GABRA1: variants seen among roughly 807,000 people sequenced by gnomAD.
GABRA1 encodes gamma-aminobutyric acid receptor subunit alpha-1.
In GABRA1, 9 loss-of-function variants were observed where a neutral mutation model predicts 48.9. That is an observed-to-expected ratio of 0.18 (90% confidence interval 0.11 to 0.32). The LOEUF (loss-of-function observed/expected upper bound fraction) is 0.32, where lower values mean the gene tolerates loss of function less well. Ranked by LOEUF, GABRA1 falls within the 10% of genes least tolerant of loss-of-function variation. The pLI is 1.00. For missense variants in GABRA1, 285 were observed against 553.8 expected, an observed-to-expected ratio of 0.51 and a Z score of 4.87; for synonymous variants, 210 against 198.7, an observed-to-expected ratio of 1.06 and a Z score of -0.48.
intron 7 of GABRA1, among the ~76,000 whole-genome samples, chr5:161,890,361 C>T (rs1203890977): frequency 6.6e-6 from 1 of 152,086 alleles, no homozygotes; most frequent in East Asian, 1.9e-4. Flanking sequence ...AAGATTCTAG[C>T]CCACTCTCCT....
chr5:161,897,536 C>A lies in GABRA1; in HGVS notation c.*114C>A. ...TCTGTCTTAAAGAATTTGAAAGTTTCCTTATTTTCATAATTCATTTAAGAA... is the reference window on the plus strand; with the variant it reads ...TCTGTCTTAAAGAATTTGAAAGTTTACTTATTTTCATAATTCATTTAAGAA... On this transcript the variant is annotated 3_prime_UTR_variant, in exon 10 of 10. Transcript: ENST00000393943. The A allele has an allele frequency of 9.4e-7, 1 of 1,058,454 alleles. No individual in the cohort carries two copies. The highest frequency in any genetic ancestry group is 1.4e-6 in the Non-Finnish European group (1 of 707,270). 65.6% of individuals were successfully genotyped at this position (1,058,454 alleles called of 1,614,324 possible). A position where few individuals can be genotyped will look rare whatever the true frequency, so the allele number is the denominator to read the frequency against.
chr5:161,861,582 C>T (rs1757861928), intron 3 of GABRA1, among the ~76,000 whole-genome samples: 1 of 151,168 alleles, frequency 6.6e-6, no homozygotes, highest in Admixed American at 6.6e-5. Context: ...GGTGTCTACC[C>T]CCATATCTAG....
At chr5:161,863,368 T>A (rs1005997869) in intron 3 of GABRA1, among the ~76,000 whole-genome samples, 1 of 151,986 alleles carries the variant, frequency 6.6e-6, no homozygotes, top group Non-Finnish European at 1.5e-5. Flanking sequence ...CACTGGCATC[T>A]GCTTGGCTTT....
At chr5:161,863,236 T>A (rs1757929026) in intron 3 of GABRA1, among the ~76,000 whole-genome samples, 1 of 151,872 alleles carries the variant, frequency 6.6e-6, no homozygotes, top group Non-Finnish European at 1.5e-5. Context: ...AAGTTTATAT[T>A]TGAATAGAAA....
chr5:161,861,835 G>T (rs975032006), intron 3 of GABRA1, among the ~76,000 whole-genome samples: 32 of 151,802 alleles, frequency 2.1e-4, no homozygotes. Context: ...AGGGTTTTCA[G>T]ATACATTTTA....
At chr5:161,865,931 T>A in intron 4 of GABRA1, 143 bp downstream of exon 4, 1 of 647,472 alleles carries the variant, frequency 1.5e-6, no homozygotes, top group Non-Finnish European at 2.7e-6. Context: ...ATATGTAATA[T>A]GTAATATAAT....
chr5:161,857,776 A>C (rs4367330), intron 3 of GABRA1, among the ~76,000 whole-genome samples: 79,081 of 151,240 alleles, frequency 0.52, 21,627 homozygotes, highest in East Asian at 0.75. Flanking sequence ...CCAGAAAATA[A>C]AACTAAAAAT....
chr5:161,884,663 C>A (rs1754759670), intron 7 of GABRA1, among the ~76,000 whole-genome samples: 1 of 152,100 alleles, frequency 6.6e-6, no homozygotes, highest in Admixed American at 6.6e-5. Flanking sequence ...GCACACATAA[C>A]TTTTCCTCAA....
intron 3 of GABRA1, among the ~76,000 whole-genome samples, chr5:161,863,657 A>G (rs1439848867): frequency 6.6e-6 from 1 of 151,980 alleles, no homozygotes; most frequent in Non-Finnish European, 1.5e-5. Flanking sequence ...TATCCAAACC[A>G]TATGAGTGGA....
At chr5:161,893,497 A>G (rs1317466806) in intron 8 of GABRA1, among the ~76,000 whole-genome samples, 1 of 152,012 alleles carries the variant, frequency 6.6e-6, no homozygotes, top group Non-Finnish European at 1.5e-5. Flanking sequence ...ATGTAGATTC[A>G]AAAAGAAAAA....
chr5:161,848,504 TC>T (rs1757296518), intron 1 of GABRA1, 82 bp downstream of exon 1: 2 of 6,446 alleles, frequency 3.1e-4, no homozygotes, highest in South Asian at 1.2e-3. Flanking sequence ...AATGTTATAG[TC>T]GGGGGGGGGG....
intron 3 of GABRA1, among the ~76,000 whole-genome samples, chr5:161,862,857 A>G (rs932780179): frequency 6.6e-6 from 1 of 151,990 alleles, no homozygotes; most frequent in Non-Finnish European, 1.5e-5. Flanking sequence ...TTCATCCAAA[A>G]TGTAAGAATA....
intron 1 of GABRA1, among the ~76,000 whole-genome samples, chr5:161,849,842 C>T (rs1757365636): frequency 6.6e-6 from 1 of 152,172 alleles, no homozygotes; most frequent in African/African-American, 2.4e-5. Flanking sequence ...AGACTATATA[C>T]ATTTTTAATT....
At chr5:161,868,443 C>A (rs574009115) in intron 4 of GABRA1, among the ~76,000 whole-genome samples, 1 of 152,100 alleles carries the variant, frequency 6.6e-6, no homozygotes, top group African/African-American at 2.4e-5. Flanking sequence ...ATTAACCTAT[C>A]AGATTAAATC....
intron 5 of GABRA1, among the ~76,000 whole-genome samples, chr5:161,875,212 T>A (rs950409169): frequency 6.6e-6 from 1 of 152,166 alleles, no homozygotes; most frequent in Non-Finnish European, 1.5e-5. Context: ...AAGGATAAAG[T>A]AGTATTTACG....
chr5:161,890,998 A>G lies in GABRA1; in HGVS notation c.804A>G (p.Ser268=). Residue 268 remains serine (S), a synonymous_variant, in exon 8 of 10, where the codon TCA becomes TCG. Transcript: ENST00000393943. ...CATGCATAATGACAGTGATTCTCTCACAAGTCTCCTTCTGGCTCAACAGAG... is the reference window on the plus strand; with the variant it reads ...CATGCATAATGACAGTGATTCTCTCGCAAGTCTCCTTCTGGCTCAACAGAG... ...YLPCIMTVIL[S]QVSFWLNRES... The G allele has an allele frequency of 6.2e-7, 1 of 1,613,854 alleles. No homozygotes were observed. Among genetic ancestry groups the G allele is most frequent in the East Asian group, 2.2e-5 (1 of 44,854 alleles).
At position 161,854,144 on chromosome 5, in the gene GABRA1, A is replaced by G. The variant is rs757730690; in HGVS notation, c.75-14A>G. 3.0e-6 allele frequency: 4 copies of G among 1,329,714 alleles called. No individual in the cohort carries two copies. Among genetic ancestry groups the G allele is most frequent in the South Asian group, 1.2e-5 (1 of 83,800 alleles). The allele number at this position is 1,329,714 out of a possible 1,614,324, so 82.4% of individuals were successfully genotyped here. On this transcript the variant is annotated splice_polypyrimidine_tract_variant and intron_variant, in intron 2 of 9. Coordinates refer to ENST00000393943, the MANE Select transcript of GABRA1 (RefSeq NM_001127644.2). ...TATAATTTAGCTATTGCTTCTCTTTATGTTTTTTTTCAGCTATGGACAGCC... is the reference window on the plus strand; with the variant it reads ...TATAATTTAGCTATTGCTTCTCTTTGTGTTTTTTTTCAGCTATGGACAGCC...
intron 4 of GABRA1, 92 bp downstream of exon 4, chr5:161,865,880 C>T: frequency 1.0e-6 from 1 of 1,001,748 alleles, no homozygotes; most frequent in East Asian, 2.4e-5. Flanking sequence ...AGGGAGCAAC[C>T]TGAAAAGTCT....
intron 4 of GABRA1, among the ~76,000 whole-genome samples, chr5:161,868,067 G>C (rs1581192606): frequency 6.6e-6 from 1 of 151,924 alleles, no homozygotes; most frequent in Non-Finnish European, 1.5e-5. Context: ...ATGAGGTCTT[G>C]TGGGACCTAA....
Sources: allele counts gnomAD v4.1 joint callset (sites outside exome capture counted in the v4.1 genomes callset), GRCh38; gene constraint gnomAD v4.1.1; transcripts MANE v1.5; gene names NCBI Gene and HGNC (gene_info 2026-07-23, HGNC 2026-07-21).